GTF2E2: variants seen among roughly 807,000 people sequenced by gnomAD.
GTF2E2 encodes general transcription factor IIE subunit 2.
Under a neutral mutation model 40.5 loss-of-function variants are expected in GTF2E2, and 21 were observed. The ratio of observed to expected loss-of-function variants is 0.52; its 90% CI spans 0.37 to 0.75. The LOEUF (loss-of-function observed/expected upper bound fraction) is 0.75. Among genes scored for constraint, GTF2E2 ranks in the 30% least tolerant of loss-of-function variants. The pLI, the probability that GTF2E2 is intolerant of heterozygous loss-of-function variation, is 0.00. For missense variants in GTF2E2, 298 were observed against 338.4 expected (o/e 0.88, Z 0.94); for synonymous variants, 117 against 121.6 (o/e 0.96, Z 0.25).
At position 30,620,265 on chromosome 8, in the gene GTF2E2, C is replaced by T. The variant is rs1229249160; in HGVS notation, c.259-5550G>A. 2.0e-5 allele frequency among the ~76,000 whole-genome samples: 3 copies of T among 150,042 alleles called. No individual in the cohort carries two copies. The South Asian group carries it at 6.2e-4, about 31-fold the overall frequency. On this transcript the variant is annotated intron_variant, in intron 3 of 7. Transcript: ENST00000355904. ...ACACACACACACACACACAAACACA[C>T]ACACACACGTATACATACACACATT...
chr8:30,619,185 C>T (rs960214808), intron 3 of GTF2E2, among the ~76,000 whole-genome samples: 2 of 152,036 alleles, frequency 1.3e-5, no homozygotes, highest in African/African-American at 2.4e-5. Flanking sequence ...CATGATCCAC[C>T]TGCCTCAGCC....
rs1387687538 is a variant in GTF2E2 at position 30,622,731 on chromosome 8, TG to T, written c.259-8017del. ...ACAGACCTACCCCCAGGCACGTATT[TG>T]CTTTCTCAGGGATGCTCCTTGCTGA... On this transcript the variant is annotated intron_variant, in intron 3 of 7. Coordinates refer to ENST00000355904, the MANE Select transcript of GTF2E2 (RefSeq NM_002095.6). 4.6e-5 allele frequency among the ~76,000 whole-genome samples: 7 copies of T among 152,046 alleles called. No homozygotes were observed. In the East Asian group the frequency reaches 1.3e-3, roughly 29 times the overall value.
At chr8:30,585,439 A>C (rs980424800) in intron 6 of GTF2E2, among the ~76,000 whole-genome samples, 9 of 152,238 alleles carry the variant, frequency 5.9e-5, no homozygotes, top group African/African-American at 1.9e-4. Flanking sequence ...GTAAAGCAGA[A>C]GAAACAAAAC....
Position 30,620,308 on chromosome 8 carries a change from T to A in GTF2E2, c.259-5593A>T, listed in dbSNP as rs550824901. On this transcript the variant is annotated intron_variant, in intron 3 of 7. Transcript: ENST00000355904. ...CACACATTCATTCCTTTGAGATCTA[T>A]AAATCTTTGCTAAGGGTCTTTATTG... Among the ~76,000 whole-genome samples, 5 of 151,918 alleles carry A rather than the reference T, an allele frequency of 3.3e-5. No individual in the cohort carries two copies. The South Asian group carries it at 1.0e-3, about 32-fold the overall frequency.
chr8:30,655,993 T>C (rs1322417564), intron 1 of GTF2E2, among the ~76,000 whole-genome samples: 3 of 152,094 alleles, frequency 2.0e-5, no homozygotes, highest in Non-Finnish European at 2.9e-5. Flanking sequence ...GTATTTTTAG[T>C]AGAGACGGGG....
intron 1 of GTF2E2, among the ~76,000 whole-genome samples, chr8:30,655,667 GC>G (rs1230155255): frequency 6.6e-6 from 1 of 152,190 alleles, no homozygotes; most frequent in African/African-American, 2.4e-5. Flanking sequence ...TCTACATGCT[GC>G]TTAGATTTGA....
chr8:30,633,247 G>A (rs1464869004), intron 3 of GTF2E2, among the ~76,000 whole-genome samples: 1 of 152,060 alleles, frequency 6.6e-6, no homozygotes, highest in African/African-American at 2.4e-5. Flanking sequence ...TGATTTGAAA[G>A]ATAAAAATAC....
In GTF2E2 at chr8:30,580,291, G is replaced by C. The variant is rs773888848; in HGVS notation, c.749C>G (p.Pro250Arg). 1.1e-5 allele frequency: 17 copies of C among 1,581,076 alleles called. No homozygotes were observed. Among genetic ancestry groups the C allele is most frequent in the Admixed American group, 3.3e-5 (2 of 59,946 alleles). The change falls in exon 7 of 8, where the codon CCA (proline) becomes CGA (arginine). Residue 250 changes from proline (P) to arginine (R), a missense_variant. Pro to Arg is a moderately radical substitution (Grantham distance 103). Transcript: ENST00000355904. ...QGISSMQESG[P>R]KKVAPIQRRK... ...CTAGAGATTACGCACCACTTTCTTT[G>C]GTCCAGATTCCTGCATGGAAGAAAT...
At chr8:30,627,366 T>A (rs1341694080) in intron 3 of GTF2E2, among the ~76,000 whole-genome samples, 5 of 145,516 alleles carry the variant, frequency 3.4e-5, no homozygotes, top group Non-Finnish European at 7.4e-5. Context: ...AAACAAGAAG[T>A]CCATCTTAGA....
intron 6 of GTF2E2, among the ~76,000 whole-genome samples, chr8:30,601,552 C>A (rs972752272): frequency 6.6e-6 from 1 of 152,084 alleles, no homozygotes; most frequent in African/African-American, 2.4e-5. Context: ...CAAAAAAAAA[C>A]TACTCAACCA....
chr8:30,580,244 G>C, intron 7 of GTF2E2, 37 bp downstream of exon 7: 1 of 1,122,674 alleles, frequency 8.9e-7, no homozygotes, highest in Non-Finnish European at 1.4e-6. Flanking sequence ...CAGTTCCCAG[G>C]GCAGGGGATT....
intron 1 of GTF2E2, among the ~76,000 whole-genome samples, chr8:30,654,713 T>C (rs1388395232): frequency 6.6e-6 from 1 of 152,166 alleles, no homozygotes; most frequent in African/African-American, 2.4e-5. Context: ...CCTAGAATAT[T>C]TTTAATTACA....
intron 3 of GTF2E2, among the ~76,000 whole-genome samples, chr8:30,626,189 A>C (rs1255214452): frequency 6.6e-6 from 1 of 152,248 alleles, no homozygotes; most frequent in African/African-American, 2.4e-5. Flanking sequence ...ATTATGTAGC[A>C]ATAAAAGTAA....
intron 3 of GTF2E2, among the ~76,000 whole-genome samples, chr8:30,622,331 T>C (rs964053807): frequency 2.0e-5 from 3 of 151,968 alleles, no homozygotes; most frequent in Non-Finnish European, 4.4e-5. Context: ...GGTTCCGTGA[T>C]GCCCCACAAG....
At chr8:30,634,706 A>G (rs1801533913) in intron 3 of GTF2E2, among the ~76,000 whole-genome samples, 1 of 152,128 alleles carries the variant, frequency 6.6e-6, no homozygotes, top group African/African-American at 2.4e-5. Context: ...AATCAATCAC[A>G]TCCTCCCATT....
intron 6 of GTF2E2, among the ~76,000 whole-genome samples, chr8:30,602,092 A>T (rs1480309858): frequency 6.6e-6 from 1 of 151,064 alleles, no homozygotes; most frequent in East Asian, 1.9e-4. Flanking sequence ...ATCTAGGCTC[A>T]CTACAACCTC....
intron 2 of GTF2E2, among the ~76,000 whole-genome samples, chr8:30,638,041 T>C (rs1801670476): frequency 6.6e-6 from 1 of 152,228 alleles, no homozygotes; most frequent in Admixed American, 6.5e-5. Flanking sequence ...AGGTAGTGTA[T>C]TTACCTAAAT....
Position 30,578,920 on chromosome 8 carries a change from C to G in GTF2E2, c.*1G>C. The G allele has an allele frequency of 6.9e-7, 1 of 1,439,560 alleles. No homozygotes were observed. Among genetic ancestry groups the G allele is most frequent in the Non-Finnish European group, 9.8e-7 (1 of 1,020,568 alleles). The allele number at this position is 1,439,560 out of a possible 1,614,324, so 89.2% of individuals were successfully genotyped here. A position where few individuals can be genotyped will look rare whatever the true frequency, so the allele number is the denominator to read the frequency against. ...ACTCTGTTCCAGGGCAAAACTGTTC[C>G]CTATTTGCTGGAAGTAATGTCAGAG... On this transcript the variant is annotated 3_prime_UTR_variant, in exon 8 of 8. Transcript: ENST00000355904.
intron 3 of GTF2E2, among the ~76,000 whole-genome samples, chr8:30,634,340 T>A (rs1336288548): frequency 1.3e-5 from 2 of 151,878 alleles, no homozygotes; most frequent in Non-Finnish European, 2.9e-5. Context: ...CCCAGCTACT[T>A]GGGAGGCTGA....
Sources: allele counts gnomAD v4.1 joint callset (sites outside exome capture counted in the v4.1 genomes callset), GRCh38; gene constraint gnomAD v4.1.1; transcripts MANE v1.5; gene names NCBI Gene and HGNC (gene_info 2026-07-23, HGNC 2026-07-21).